STXBP5: variants seen among roughly 807,000 people sequenced by gnomAD.
The protein encoded by STXBP5 is syntaxin binding protein 5, also known as syntaxin-binding protein 5.
A neutral mutation model predicts 152.4 loss-of-function variants in STXBP5; 50 were observed. That is an observed-to-expected ratio of 0.33 (90% CI 0.26 to 0.42). STXBP5 has a LOEUF of 0.42. Ranked by LOEUF, STXBP5 falls within the 10% of genes least tolerant of loss-of-function variation. The pLI is 1.00. For missense variants in STXBP5, 1,167 were observed against 1,388.6 expected, an observed-to-expected ratio of 0.84 and a Z score of 2.54; for synonymous variants, 492 against 494.7, an observed-to-expected ratio of 0.99 and a Z score of 0.07.
Position 147,258,422 on chromosome 6 carries a change from AGTTTTTT to A in STXBP5, c.432-2171_432-2165del, listed in dbSNP as rs544582153. Among the ~76,000 whole-genome samples the A allele has an allele frequency of 2.0e-3, 307 of 152,024 alleles. 1 individual carries two copies. The highest frequency in any genetic ancestry group is 9.5e-3 in the East Asian group (49 of 5,170). ...ACAAACATGCACACGCATAACACAT[AGTTTTTT>A]GTTTTTTGTTTTTTGTTTTTTTGAG... is the stretch of plus-strand genomic sequence containing the variant. On this transcript the variant is annotated intron_variant, in intron 4 of 27. Transcript: ENST00000321680.
At chr6:147,287,559 TG>T (rs1327603062) in intron 8 of STXBP5, among the ~76,000 whole-genome samples, 2 of 152,228 alleles carry the variant, frequency 1.3e-5, no homozygotes, top group African/African-American at 4.8e-5. Context: ...ACTCCTTTTT[TG>T]CATCTTAATC....
At chr6:147,288,574 GT>G (rs1439501500) in intron 8 of STXBP5, among the ~76,000 whole-genome samples, 1 of 152,096 alleles carries the variant, frequency 6.6e-6, no homozygotes, top group Non-Finnish European at 1.5e-5. Context: ...TGTTTTAATA[GT>G]ACTTTCATTT....
intron 2 of STXBP5, among the ~76,000 whole-genome samples, chr6:147,234,955 T>C (rs2115174982): frequency 6.6e-6 from 1 of 152,164 alleles, no homozygotes; most frequent in Admixed American, 6.5e-5. Flanking sequence ...ATGAAGAAAA[T>C]AATTTGGGCC....
rs1289798125 is a variant in STXBP5 at position 147,390,142 on chromosome 6, C to T, written c.*5387C>T. The stretch of plus-strand genomic sequence containing the variant: ...CCAGTAACTATCTCAAAGGTAATTG[C>T]TGGAATATGCATTTTGAAATACGGT... On this transcript the variant is annotated 3_prime_UTR_variant, in exon 28 of 28. Coordinates refer to ENST00000321680, the MANE Select transcript of STXBP5 (RefSeq NM_001127715.4). 1 of 151,736 alleles carries T rather than the reference C, an allele frequency of 6.6e-6. No individual in the cohort carries two copies. The highest frequency in any genetic ancestry group is 1.5e-5 in the Non-Finnish European group (1 of 67,882). The allele number at this position is 151,736 out of a possible 1,614,324, so 9.4% of individuals were successfully genotyped here.
rs1161000934 is a variant in STXBP5 at position 147,315,668 on chromosome 6, C to T, written c.1556C>T (p.Ala519Val). The T allele has an allele frequency of 6.2e-7, 1 of 1,613,908 alleles. No homozygotes were observed. The highest frequency in any genetic ancestry group is 1.1e-5 in the South Asian group (1 of 91,078). The change falls in exon 15 of 28, where the codon GCT becomes GTT. Residue 519 changes from alanine to valine, a missense_variant. Coordinates refer to ENST00000321680, the MANE Select transcript of STXBP5 (RefSeq NM_001127715.4). ...CCAGAAAGTAGAATGCTGTGCATCG[C>T]TGGAGTTTCAGCTCATGTCATTATT... ...WCPESRMLCI[A>V]GVSAHVIIYR...
At chr6:147,325,155 G>C (rs1250226834) in intron 17 of STXBP5, 71 bp downstream of exon 17, 2 of 1,304,830 alleles carry the variant, frequency 1.5e-6, no homozygotes, top group South Asian at 2.7e-5. Context: ...TTTAAAAATA[G>C]AAAGGATGGT....
intron 2 of STXBP5, among the ~76,000 whole-genome samples, chr6:147,214,782 G>GA (rs780026434): frequency 6.6e-6 from 1 of 152,160 alleles, no homozygotes; most frequent in South Asian, 2.1e-4. Flanking sequence ...TACAGGGTAT[G>GA]AAAAAATACC....
chr6:147,260,778 A>G (rs1779603072), intron 5 of STXBP5, 29 bp downstream of exon 5: 1 of 1,609,834 alleles, frequency 6.2e-7, no homozygotes, highest in African/African-American at 1.3e-5. Context: ...TTTGTATCTG[A>G]AAGCATCAGT....
chr6:147,299,158 A>G (rs1397532785), intron 9 of STXBP5, among the ~76,000 whole-genome samples: 1 of 151,964 alleles, frequency 6.6e-6, no homozygotes, highest in East Asian at 1.9e-4. Flanking sequence ...TAATAAATTC[A>G]GAGATGAAAA....
chr6:147,270,163 C>T (rs1410060064), intron 7 of STXBP5, among the ~76,000 whole-genome samples: 1 of 152,170 alleles, frequency 6.6e-6, no homozygotes, highest in East Asian at 1.9e-4. Context: ...CTTTGGGAGG[C>T]CAAGGCGGGC....
intron 21 of STXBP5, among the ~76,000 whole-genome samples, chr6:147,346,566 C>T (rs976137341): frequency 2.6e-5 from 4 of 152,046 alleles, no homozygotes; most frequent in Non-Finnish European, 5.9e-5. Flanking sequence ...TGGTAAACCC[C>T]GTCCCTCATA....
At chr6:147,232,907 T>C (rs1398674878) in intron 2 of STXBP5, among the ~76,000 whole-genome samples, 2 of 151,870 alleles carry the variant, frequency 1.3e-5, no homozygotes, top group African/African-American at 4.8e-5. Flanking sequence ...CCTGAATTTA[T>C]AGACATTTTT....
chr6:147,308,084 C>G (rs982700283), intron 9 of STXBP5, among the ~76,000 whole-genome samples: 2 of 152,204 alleles, frequency 1.3e-5, no homozygotes, highest in African/African-American at 4.8e-5. Flanking sequence ...GAATACCTGG[C>G]TCAAGTCTTC....
intron 9 of STXBP5, among the ~76,000 whole-genome samples, chr6:147,302,617 CCAG>C (rs79645456): frequency 0.2 from 30,068 of 151,850 alleles, 3,683 homozygotes; most frequent in Admixed American, 0.32. Context: ...GAGTTTGAGA[CCAG>C]CCTGGCCAAT....
intron 2 of STXBP5, among the ~76,000 whole-genome samples, chr6:147,234,620 A>C (rs191262011): frequency 1.3e-5 from 2 of 152,078 alleles, no homozygotes; most frequent in South Asian, 2.1e-4. Flanking sequence ...AATGTGGAAA[A>C]TGTTATATAA....
At chr6:147,297,741 GTC>G (rs772412821) in intron 9 of STXBP5, among the ~76,000 whole-genome samples, 1 of 152,062 alleles carries the variant, frequency 6.6e-6, no homozygotes, top group South Asian at 2.1e-4. Flanking sequence ...AAGGGTAAAA[GTC>G]TAGAATATTT....
Position 147,325,077 on chromosome 6 carries a change from T to A in STXBP5, c.1921T>A (p.Tyr641Asn). The A allele has an allele frequency of 6.5e-7, 1 of 1,542,570 alleles. No homozygotes were observed. The highest frequency in any genetic ancestry group is 8.8e-7 in the Non-Finnish European group (1 of 1,140,750). The change falls in exon 17 of 28, where the codon TAT becomes AAT. Residue 641 changes from tyrosine (Y) to asparagine (N), a missense_variant. Physicochemically the swap from Tyr to Asn is moderately radical, Grantham distance 143 (BLOSUM62 -2). This residue lies in a region of STXBP5 where 833 missense variants were observed against 986.3 expected (regional missense o/e 0.84). Coordinates refer to ENST00000321680, the MANE Select transcript of STXBP5 (RefSeq NM_001127715.4). ...AACCAGCCTGGCAGTCAATTCTTCC[T>A]ATGGACTGTAAGTATAAGTTACGTT... ...QITSLAVNSS[Y>N]GLVVFGNCNG...
intron 2 of STXBP5, among the ~76,000 whole-genome samples, chr6:147,228,027 T>G (rs554470262): frequency 5.5e-4 from 83 of 152,240 alleles, no homozygotes; most frequent in African/African-American, 1.9e-3. Flanking sequence ...ACCTCCTTGT[T>G]CTTCTCTAAG....
intron 21 of STXBP5, among the ~76,000 whole-genome samples, chr6:147,345,676 G>C (rs1204868885): frequency 6.6e-6 from 1 of 151,998 alleles, no homozygotes; most frequent in African/African-American, 2.4e-5. Flanking sequence ...ATAAATTTCA[G>C]ATTCTAAAAA....
Sources: allele counts gnomAD v4.1 joint callset (sites outside exome capture counted in the v4.1 genomes callset), GRCh38; gene constraint gnomAD v4.1.1; regional missense constraint gnomAD v4.1.1; transcripts MANE v1.5; gene names NCBI Gene and HGNC (gene_info 2026-07-23, HGNC 2026-07-21).